The following L3MBTL3 variants were observed in gnomAD, a reference collection of about 807,000 sequenced individuals.
L3MBTL3 encodes the protein L3MBTL histone methyl-lysine binding protein 3, also known as lethal(3)malignant brain tumor-like protein 3.
A neutral mutation model predicts 102.3 loss-of-function variants in L3MBTL3; 27 were observed. The ratio of observed to expected loss-of-function variants is 0.26; its 90% CI spans 0.19 to 0.36. The LOEUF (loss-of-function observed/expected upper bound fraction) is 0.36, where lower values mean the gene tolerates loss of function less well. Ranked by LOEUF, L3MBTL3 falls within the 10% of genes least tolerant of loss-of-function variation. The pLI, the probability that L3MBTL3 is intolerant of heterozygous loss-of-function variation, is 1.00. For missense variants in L3MBTL3, 798 were observed against 955.3 expected (o/e 0.84, Z 2.17); for synonymous variants, 340 against 320.9 (o/e 1.06, Z -0.64).
intron 10 of L3MBTL3, among the ~76,000 whole-genome samples, chr6:130,061,662 C>A (rs527681741): frequency 2.0e-4 from 30 of 151,882 alleles, no homozygotes; most frequent in Non-Finnish European, 2.9e-4. Context: ...TTTTGTTAGA[C>A]CCTTTTGAGT....
Position 130,022,300 on chromosome 6 carries a change from C to G in L3MBTL3, c.-21C>G, listed in dbSNP as rs750305716. The G allele has an allele frequency of 2.6e-5, 4 of 152,108 alleles. No individual in the cohort carries two copies. The highest frequency in any genetic ancestry group is 4.4e-5 in the Non-Finnish European group (3 of 68,018). 9.4% of individuals were successfully genotyped at this position (152,108 alleles called of 1,614,324 possible). A position where few individuals can be genotyped will look rare whatever the true frequency, so the allele number is the denominator to read the frequency against. ...AGAGAGTTCTGTGTTTCATCACCGC[C>G]GAAAGGTAAGACCCACTTGTTGAAA... On this transcript the variant is annotated 5_prime_UTR_variant, in exon 2 of 23. Transcript: ENST00000361794.
intron 10 of L3MBTL3, among the ~76,000 whole-genome samples, chr6:130,061,573 A>C (rs1313192627): frequency 6.6e-6 from 1 of 152,204 alleles, no homozygotes; most frequent in Non-Finnish European, 1.5e-5. Context: ...ACATTTGTGT[A>C]GATTTTATTT....
At chr6:130,139,211 C>CACAAACA (rs1427698179) in intron 22 of L3MBTL3, among the ~76,000 whole-genome samples, 2 of 151,964 alleles carry the variant, frequency 1.3e-5, no homozygotes, top group Non-Finnish European at 2.9e-5. Flanking sequence ...ATATGTTTGC[C>CACAAACA]TGAGTTATTT....
At chr6:130,047,491 G>T (rs575373418) in intron 3 of L3MBTL3, among the ~76,000 whole-genome samples, 1 of 152,264 alleles carries the variant, frequency 6.6e-6, no homozygotes, top group South Asian at 2.1e-4. Context: ...ATGGAGGGTG[G>T]TTTGCTGTTT....
chr6:130,117,392 T>G (rs1785787032), intron 19 of L3MBTL3, among the ~76,000 whole-genome samples: 1 of 151,904 alleles, frequency 6.6e-6, no homozygotes, highest in Admixed American at 6.6e-5. Flanking sequence ...TTTGGGTTGG[T>G]TCCAAGTCTT....
At chr6:130,050,810 C>T (rs75970833) in intron 5 of L3MBTL3, among the ~76,000 whole-genome samples, 1 of 151,888 alleles carries the variant, frequency 6.6e-6, no homozygotes. Context: ...ACATTGAAAG[C>T]GTAATAGAAG....
intron 8 of L3MBTL3, among the ~76,000 whole-genome samples, chr6:130,056,086 C>A (rs953904611): frequency 6.6e-6 from 1 of 152,046 alleles, no homozygotes; most frequent in African/African-American, 2.4e-5. Flanking sequence ...CACCACCAAG[C>A]CTGGCTAATT....
intron 2 of L3MBTL3, among the ~76,000 whole-genome samples, chr6:130,034,743 T>C (rs570373425): frequency 3.3e-5 from 5 of 152,360 alleles, no homozygotes; most frequent in African/African-American, 1.2e-4. Context: ...TGCCTGGGCC[T>C]CGGCCAGGCT....
intron 22 of L3MBTL3, among the ~76,000 whole-genome samples, chr6:130,136,679 A>C (rs1264662509): frequency 3.3e-5 from 5 of 151,716 alleles, no homozygotes; most frequent in Admixed American, 6.6e-5. Flanking sequence ...GTGTAGTGGC[A>C]CAATATTAGC....
In L3MBTL3 at chr6:130,073,814, T is replaced by C. The variant is rs943636342; in HGVS notation, c.1244+2687T>C. The stretch of plus-strand genomic sequence containing the variant: ...AAGAAAAGAAAAAAATTGATCTCTT[T>C]TAACTCGAGTTTTGTGCTTTTATGA... On this transcript the variant is annotated intron_variant, in intron 13 of 22. Transcript: ENST00000361794. Among the ~76,000 whole-genome samples the C allele has an allele frequency of 6.6e-5, 10 of 152,206 alleles. 1 individual carries two copies. The highest frequency in any genetic ancestry group is 4.4e-5 in the Non-Finnish European group (3 of 68,038).
At chr6:130,116,890 T>C (rs929802178) in intron 19 of L3MBTL3, among the ~76,000 whole-genome samples, 2 of 151,634 alleles carry the variant, frequency 1.3e-5, no homozygotes, top group Non-Finnish European at 2.9e-5. Flanking sequence ...TATTAAAATA[T>C]AGCATGAAAA....
intron 2 of L3MBTL3, among the ~76,000 whole-genome samples, chr6:130,039,372 ACTTTC>A (rs1195335494): frequency 4.6e-5 from 7 of 152,134 alleles, no homozygotes; most frequent in African/African-American, 1.7e-4. Context: ...TGGCATTCAT[ACTTTC>A]CTTCCTAATA....
intron 18 of L3MBTL3, among the ~76,000 whole-genome samples, chr6:130,098,098 A>G (rs759024798): frequency 1.4e-4 from 21 of 152,304 alleles, no homozygotes; most frequent in South Asian, 2.1e-4. Context: ...CTGCACATCA[A>G]GTGCCTTCAG....
At chr6:130,110,360 CTT>C (rs1463915862) in intron 19 of L3MBTL3, among the ~76,000 whole-genome samples, 1 of 152,120 alleles carries the variant, frequency 6.6e-6, no homozygotes, top group Non-Finnish European at 1.5e-5. Flanking sequence ...TGTGTCCTCT[CTT>C]ATTTCCTTGA....
intron 7 of L3MBTL3, among the ~76,000 whole-genome samples, chr6:130,054,313 C>T (rs994287838): frequency 2.6e-5 from 4 of 152,072 alleles, no homozygotes; most frequent in East Asian, 1.9e-4. Flanking sequence ...AAACAAGAGT[C>T]GAGGGTGTTC....
chr6:130,073,869 G>A (rs190619635), intron 13 of L3MBTL3, among the ~76,000 whole-genome samples: 1 of 152,146 alleles, frequency 6.6e-6, no homozygotes, highest in South Asian at 2.1e-4. Context: ...AGGATGGAAT[G>A]TACTTTGAGG....
chr6:130,026,118 G>A (rs1320729402), intron 2 of L3MBTL3, among the ~76,000 whole-genome samples: 1 of 152,070 alleles, frequency 6.6e-6, no homozygotes, highest in Non-Finnish European at 1.5e-5. Context: ...ACCCTATGAA[G>A]TGTTGATATA....
chr6:130,119,177 T>G (rs1239589980), intron 19 of L3MBTL3, among the ~76,000 whole-genome samples: 2 of 152,176 alleles, frequency 1.3e-5, no homozygotes, highest in East Asian at 3.9e-4. Context: ...AAAAAAAATA[T>G]CAACTACTCA....
At chr6:130,127,486 TAG>T (rs1786688538) in intron 20 of L3MBTL3, among the ~76,000 whole-genome samples, 1 of 152,228 alleles carries the variant, frequency 6.6e-6, no homozygotes, top group Non-Finnish European at 1.5e-5. Flanking sequence ...TGTATTTATA[TAG>T]CCTTCAAGTT....
Sources: allele counts gnomAD v4.1 joint callset (sites outside exome capture counted in the v4.1 genomes callset), GRCh38; gene constraint gnomAD v4.1.1; transcripts MANE v1.5; gene names NCBI Gene and HGNC (gene_info 2026-07-23, HGNC 2026-07-21).